HFM1: variants seen among roughly 807,000 people sequenced by gnomAD.
HFM1 encodes the protein probable ATP-dependent DNA helicase HFM1.
Under a neutral mutation model 192.1 loss-of-function variants are expected in HFM1, and 169 were observed. The observed-to-expected ratio is 0.88, with a 90% CI of 0.78 to 1.00. The LOEUF is 1.00. Ranked by LOEUF, HFM1 falls within the 50% of genes least tolerant of loss-of-function variation. HFM1 has a pLI of 0.00. For missense variants in HFM1, 1,661 were observed against 1,668.0 expected (o/e 1.00, Z 0.07); for synonymous variants, 525 against 537.8 (o/e 0.98, Z 0.33).
chr1:91,385,596 A>G lies in HFM1; in HGVS notation c.733T>C (p.Phe245Leu), dbSNP rs1234362261. The G allele has an allele frequency of 1.9e-6, 3 of 1,612,472 alleles. No individual in the cohort carries two copies. The highest frequency in any genetic ancestry group is 2.5e-6 in the Non-Finnish European group (3 of 1,178,858). Residue 245 changes from phenylalanine to leucine, a missense_variant, in exon 5 of 39, where the codon TTC becomes CTC. By Grantham distance (22) the Phe-to-Leu change is conservative. Transcript: ENST00000370425. The stretch of plus-strand genomic sequence containing the variant: ...TTACCTTGAATATCATGAGGTTGGA[A>G]AGCAACTGAAAAAGATGGTGCTTTG... ...MFKAPSFSVA[F>L]QPHDIQEVTE...
Position 91,352,993 on chromosome 1 carries a change from C to T in HFM1, c.1831+58G>A, listed in dbSNP as rs1395572937. 4.4e-6 allele frequency: 5 copies of T among 1,128,394 alleles called. 1 individual carries two copies. In the African/African-American group the frequency reaches 6.4e-5, roughly 14 times the overall value. 69.9% of individuals were successfully genotyped at this position (1,128,394 alleles called of 1,614,324 possible). A position where few individuals can be genotyped will look rare whatever the true frequency, so the allele number is the denominator to read the frequency against. ...CACTTGCGCTTTTTCCTTTTTTCCTCTTAAAAATAATTTTCCAAAATATTT... is the reference window on the plus strand; with the variant it reads ...CACTTGCGCTTTTTCCTTTTTTCCTTTTAAAAATAATTTTCCAAAATATTT... On this transcript the variant is annotated intron_variant, in intron 15 of 38. Transcript: ENST00000370425.
intron 30 of HFM1, among the ~76,000 whole-genome samples, chr1:91,284,251 T>G (rs1557776435): frequency 7.1e-6 from 1 of 140,474 alleles, no homozygotes. Context: ...ATTATTATTA[T>G]TTTTTTTTTG....
chr1:91,378,050 G>A lies in HFM1; in HGVS notation c.1370C>T (p.Ser457Phe). 6.2e-7 allele frequency: 1 copy of A among 1,612,050 alleles called. No homozygotes were observed. Residue 457 changes from serine (S) to phenylalanine (F), a missense_variant, in exon 11 of 39, where the codon TCT becomes TTT. By Grantham distance (155) the Ser-to-Phe change is radical. Coordinates refer to ENST00000370425, the MANE Select transcript of HFM1 (RefSeq NM_001017975.6). ...TAIPMRFVAVSATIPNAEDIA... is the reference protein window; with the variant it reads ...TAIPMRFVAVFATIPNAEDIA... ...ATCCTCAGCATTTGGAATTGTTGCA[G>A]ATACAGCTACAAATCGCATTGGAAT...
Position 91,394,155 on chromosome 1 carries a change from A to G in HFM1, c.432T>C (p.Asp144=), listed in dbSNP as rs763187429. The change falls in exon 4 of 39, where the codon GAT becomes GAC. Residue 144 remains aspartate (D), a synonymous_variant. Transcript: ENST00000370425. ...CTGCAAAATTAACTAATTTTGTATC[A>G]TCAGGAACACTCTTCTCAGGTGCTA... The part of the protein sequence containing the change: ...TEIAPEKSVP[D]DTKLVNFAED... 2.5e-6 allele frequency: 4 copies of G among 1,609,604 alleles called. No homozygotes were observed. In the East Asian group the frequency reaches 8.9e-5, roughly 36 times the overall value.
chr1:91,274,564 AT>A (rs1208760431), intron 33 of HFM1, among the ~76,000 whole-genome samples, 165 bp downstream of exon 33: 4 of 152,058 alleles, frequency 2.6e-5, no homozygotes, highest in African/African-American at 9.7e-5. Flanking sequence ...AATTTAGGGT[AT>A]CAAAGATAAT....
At chr1:91,344,243 G>C (rs1049733837) in intron 19 of HFM1, among the ~76,000 whole-genome samples, 1 of 152,122 alleles carries the variant, frequency 6.6e-6, no homozygotes, top group Non-Finnish European at 1.5e-5. Context: ...GGAGATATAA[G>C]ATAGTTCAGA....
At chr1:91,318,531 A>G (rs281997) in intron 25 of HFM1, among the ~76,000 whole-genome samples, 105,765 of 151,934 alleles carry the variant, frequency 0.7, 37,055 homozygotes, top group East Asian at 0.81. Flanking sequence ...GGTACTCCCT[A>G]CAGTCTCATA....
intron 20 of HFM1, among the ~76,000 whole-genome samples, chr1:91,332,347 A>C (rs941450210): frequency 6.6e-5 from 10 of 152,192 alleles, no homozygotes; most frequent in African/African-American, 2.4e-4. Context: ...AAGAACATAC[A>C]TTAGGGAAGA....
chr1:91,271,479 C>T (rs1304249389), intron 34 of HFM1, among the ~76,000 whole-genome samples: 2 of 151,766 alleles, frequency 1.3e-5, no homozygotes, highest in African/African-American at 2.4e-5. Flanking sequence ...AAAGTCATGA[C>T]CAGAAGCTGA....
intron 13 of HFM1, among the ~76,000 whole-genome samples, chr1:91,358,402 C>A (rs1054983175): frequency 9.2e-5 from 14 of 151,996 alleles, no homozygotes; most frequent in African/African-American, 3.1e-4. Flanking sequence ...TAAAATTATA[C>A]TACAAAGCTG....
chr1:91,369,432 A>G (rs1260058343), intron 13 of HFM1, among the ~76,000 whole-genome samples: 3 of 152,238 alleles, frequency 2.0e-5, no homozygotes, highest in African/African-American at 4.8e-5. Flanking sequence ...ACTAGAACTC[A>G]GGATTAAGAA....
intron 13 of HFM1, among the ~76,000 whole-genome samples, chr1:91,362,994 A>G (rs896810106): frequency 1.3e-5 from 2 of 152,064 alleles, no homozygotes; most frequent in South Asian, 4.1e-4. Flanking sequence ...TTGAAACTGG[A>G]CCCCTTCCTT....
At chr1:91,285,101 G>A (rs926311395) in intron 30 of HFM1, among the ~76,000 whole-genome samples, 12 of 152,062 alleles carry the variant, frequency 7.9e-5, no homozygotes, top group African/African-American at 1.4e-4. Flanking sequence ...CATGTAAGAC[G>A]TGCCTTTCAC....
At chr1:91,300,449 C>T (rs576213944) in intron 30 of HFM1, among the ~76,000 whole-genome samples, 2 of 152,266 alleles carry the variant, frequency 1.3e-5, no homozygotes, top group African/African-American at 4.8e-5. Flanking sequence ...CCAGCATCAT[C>T]CTGATACCAA....
At chr1:91,337,137 T>A (rs1654701228) in intron 20 of HFM1, among the ~76,000 whole-genome samples, 1 of 152,150 alleles carries the variant, frequency 6.6e-6, no homozygotes, top group African/African-American at 2.4e-5. Context: ...CTGGGCTTGA[T>A]ACACAGGTGA....
At chr1:91,305,797 G>A (rs969372334) in intron 30 of HFM1, among the ~76,000 whole-genome samples, 1 of 151,924 alleles carries the variant, frequency 6.6e-6, no homozygotes, top group Non-Finnish European at 1.5e-5. Context: ...TGAACTCCTG[G>A]ACTCAAGTGA....
intron 13 of HFM1, among the ~76,000 whole-genome samples, chr1:91,368,175 A>G (rs749117645): frequency 6.6e-6 from 1 of 152,238 alleles, no homozygotes; most frequent in Non-Finnish European, 1.5e-5. Flanking sequence ...AACTCTCTGC[A>G]GGATATTATC....
Position 91,319,378 on chromosome 1 carries a change from A to G in HFM1, c.2595T>C (p.Ala865=). 1 of 1,610,200 alleles carries G rather than the reference A, an allele frequency of 6.2e-7. No homozygotes were observed. Among genetic ancestry groups the G allele is most frequent in the South Asian group, 1.1e-5 (1 of 91,020 alleles). Residue 865 remains alanine, a synonymous_variant, in exon 24 of 39, where the codon GCT becomes GCC. Coordinates refer to ENST00000370425, the MANE Select transcript of HFM1 (RefSeq NM_001017975.6). ...CTTGTATGGGAATGCATCCTAGTTG[A>G]GCCTGAATAAGACTGGGGGAAAGAA... ...REMKVNCLIQ[A]QLGCIPIQDF... is the part of the protein sequence containing the mutation.
rs748879252 is a variant in HFM1, at chr1:91,394,087, A to C, written c.494+6T>G. The C allele has an allele frequency of 1.4e-6, 2 of 1,416,462 alleles. No individual in the cohort carries two copies. The highest frequency in any genetic ancestry group is 1.9e-6 in the Non-Finnish European group (2 of 1,032,330). The allele number at this position is 1,416,462 out of a possible 1,614,324, so 87.7% of individuals were successfully genotyped here. On this transcript the variant is annotated splice_donor_region_variant and intron_variant, in intron 4 of 38. Coordinates refer to ENST00000370425, the MANE Select transcript of HFM1 (RefSeq NM_001017975.6). Reference sequence around the variant, plus strand: ...GAATATTATTTAGTTTAATTATAATAATTACCTTTTCCGGAATACTGATGT... The same window carrying C: ...GAATATTATTTAGTTTAATTATAATCATTACCTTTTCCGGAATACTGATGT...
Sources: gnomAD v4.1 joint callset for allele counts (sites outside exome capture counted in the v4.1 genomes callset) on GRCh38, gnomAD v4.1.1 for gene constraint, MANE v1.5 for transcripts, NCBI Gene and HGNC (gene_info 2026-07-23, HGNC 2026-07-21) for gene names.